Variants in IQCJ observed in about 807,000 individuals in gnomAD.
IQCJ encodes the protein IQ domain-containing protein J.
In IQCJ, 9 loss-of-function variants were observed where a neutral mutation model predicts 11.0. That is an observed-to-expected ratio of 0.82 (90% CI 0.49 to 1.43). IQCJ has a LOEUF of 1.43. Ranked by LOEUF, IQCJ falls within the 40% of genes most tolerant of loss-of-function variation. IQCJ has a pLI of 0.00. For missense variants in IQCJ, 146 were observed against 133.2 expected, an observed-to-expected ratio of 1.10 and a Z score of -0.47; for synonymous variants, 55 against 51.3, an observed-to-expected ratio of 1.07 and a Z score of -0.31.
chr3:159,094,036 T>A (rs766187417), intron 1 of IQCJ, among the ~76,000 whole-genome samples: 14 of 151,928 alleles, frequency 9.2e-5, no homozygotes, highest in Admixed American at 3.3e-4. Flanking sequence ...ATTAGTTGGT[T>A]AGTGATAGGA....
chr3:159,250,754 G>T (rs763784201), intron 2 of IQCJ, among the ~76,000 whole-genome samples: 18 of 152,214 alleles, frequency 1.2e-4, no homozygotes, highest in Non-Finnish European at 2.4e-4. Flanking sequence ...TCCTTGACAT[G>T]TGGGGATTAT....
At chr3:159,265,191 T>C, downstream of IQCJ, 2 of 1,597,616 alleles carry the variant, frequency 1.3e-6, no homozygotes, top group Non-Finnish European at 8.6e-7. Context: ...GAGCTAAGCT[T>C]GTTTTATCTG....
intron 1 of IQCJ, among the ~76,000 whole-genome samples, chr3:159,169,986 G>T (rs1211096745): frequency 6.6e-6 from 1 of 152,120 alleles, no homozygotes; most frequent in Non-Finnish European, 1.5e-5. Context: ...CTGACCTTTT[G>T]TATGTACTCT....
At chr3:159,170,961 C>G (rs540184398) in intron 1 of IQCJ, among the ~76,000 whole-genome samples, 3 of 152,106 alleles carry the variant, frequency 2.0e-5, no homozygotes, top group Non-Finnish European at 4.4e-5. Flanking sequence ...ATTTAAATAA[C>G]TTCTCCAGTT....
chr3:159,094,267 G>A (rs573208514), intron 1 of IQCJ, among the ~76,000 whole-genome samples: 1 of 151,642 alleles, frequency 6.6e-6, no homozygotes, highest in Admixed American at 6.6e-5. Context: ...AAAAAAACTA[G>A]ATATTAGATA....
chr3:159,212,343 G>GTCTTGTTA (rs1470194153), intron 1 of IQCJ, among the ~76,000 whole-genome samples: 1 of 152,126 alleles, frequency 6.6e-6, no homozygotes, highest in Non-Finnish European at 1.5e-5. Context: ...TGGCACCTCA[G>GTCTTGTTA]TCTTGTTATC....
chr3:159,088,147 T>A (rs1317814940), intron 1 of IQCJ, among the ~76,000 whole-genome samples: 24 of 152,340 alleles, frequency 1.6e-4, no homozygotes, highest in African/African-American at 5.3e-4. Context: ...TCAAAGAACA[T>A]CTTTATTTCT....
chr3:159,201,731 T>C (rs939193685), intron 1 of IQCJ, among the ~76,000 whole-genome samples: 1 of 137,002 alleles, frequency 7.3e-6, no homozygotes, highest in African/African-American at 2.7e-5. Flanking sequence ...GCCTCCCGGG[T>C]TCACGCCATT....
intron 1 of IQCJ, among the ~76,000 whole-genome samples, chr3:159,165,085 A>AC (rs1722089370): frequency 6.6e-6 from 1 of 151,828 alleles, no homozygotes; most frequent in Non-Finnish European, 1.5e-5. Context: ...TACCAAACTA[A>AC]AAGTAGGAAT....
chr3:159,210,772 G>T (rs923615465), intron 1 of IQCJ, among the ~76,000 whole-genome samples: 1 of 152,144 alleles, frequency 6.6e-6, no homozygotes, highest in African/African-American at 2.4e-5. Flanking sequence ...CCGGATTCCA[G>T]TGATTCTCCT....
At chr3:159,214,225 A>T (rs996824712) in intron 1 of IQCJ, among the ~76,000 whole-genome samples, 1 of 152,124 alleles carries the variant, frequency 6.6e-6, no homozygotes, top group African/African-American at 2.4e-5. Flanking sequence ...CATTCTTATA[A>T]ATGACACCAT....
chr3:159,224,070 A>C (rs1725701079), intron 1 of IQCJ, among the ~76,000 whole-genome samples: 3 of 147,222 alleles, frequency 2.0e-5, no homozygotes, highest in African/African-American at 7.4e-5. Context: ...TTTCCCACTA[A>C]AAAAAAAAAA....
intron 1 of IQCJ, among the ~76,000 whole-genome samples, chr3:159,129,602 G>A (rs1389436974): frequency 1.3e-5 from 2 of 152,098 alleles, no homozygotes; most frequent in Admixed American, 6.6e-5. Context: ...AAAGTTCAGG[G>A]GAGAGGAATG....
intron 1 of IQCJ, among the ~76,000 whole-genome samples, chr3:159,245,599 C>G (rs1727221518): frequency 6.6e-6 from 1 of 151,636 alleles, no homozygotes; most frequent in Non-Finnish European, 1.5e-5. Flanking sequence ...GTAGCTGGGA[C>G]TACAGGCACC....
intron 1 of IQCJ, among the ~76,000 whole-genome samples, chr3:159,101,535 C>T (rs1411337259): frequency 6.6e-6 from 1 of 152,230 alleles, no homozygotes; most frequent in Non-Finnish European, 1.5e-5. Flanking sequence ...CAACTATCAT[C>T]CCCATGTGTT....
chr3:159,211,315 A>G (rs1380894424), intron 1 of IQCJ, among the ~76,000 whole-genome samples: 1 of 152,216 alleles, frequency 6.6e-6, no homozygotes, highest in East Asian at 1.9e-4. Context: ...AAATTATCCT[A>G]GCCAACTTGA....
chr3:159,255,652 G>A (rs1445119009), intron 3 of IQCJ, among the ~76,000 whole-genome samples: 5 of 152,146 alleles, frequency 3.3e-5, no homozygotes, highest in African/African-American at 1.2e-4. Flanking sequence ...AAAGTTGAAG[G>A]GAGTGTCACA....
At chr3:159,169,062 C>CT (rs971520403) in intron 1 of IQCJ, among the ~76,000 whole-genome samples, 2 of 152,002 alleles carry the variant, frequency 1.3e-5, no homozygotes, top group African/African-American at 2.4e-5. Context: ...ATTCTGATCT[C>CT]TTTTTTATAC....
intron 1 of IQCJ, among the ~76,000 whole-genome samples, chr3:159,174,399 T>G (rs1428529257): frequency 1.3e-5 from 2 of 152,088 alleles, no homozygotes; most frequent in African/African-American, 2.4e-5. Flanking sequence ...AACATTATTC[T>G]CCACTTAAAA....
Sources: allele counts gnomAD v4.1 joint callset (sites outside exome capture counted in the v4.1 genomes callset), GRCh38; gene constraint gnomAD v4.1.1; transcripts MANE v1.5; gene names NCBI Gene and HGNC (gene_info 2026-07-23, HGNC 2026-07-21).